Variants in GSE1 observed in about 807,000 individuals in gnomAD.
The protein encoded by GSE1 is genetic suppressor element 1.
GSE1 carries 32 observed loss-of-function variants against 112.6 expected under a neutral mutation model. That is an observed-to-expected ratio of 0.28 (90% CI 0.21 to 0.38). The LOEUF is 0.38. Among genes scored for constraint, GSE1 ranks in the 10% least tolerant of loss-of-function variants. The pLI is 1.00. For missense variants in GSE1, 2,348 were observed against 1,699.2 expected (o/e 1.38, Z -6.71); for synonymous variants, 1,115 against 735.6 (o/e 1.52, Z -8.35).
intron 1 of GSE1, among the ~76,000 whole-genome samples, chr16:85,570,446 C>T (rs1477622496): frequency 6.6e-6 from 1 of 152,220 alleles, no homozygotes; most frequent in Non-Finnish European, 1.5e-5. Flanking sequence ...AAAGTCGTGG[C>T]ACTTGATCCC....
chr16:85,254,564 T>C (rs1906863255), intron 1 of GSE1, among the ~76,000 whole-genome samples: 1 of 152,182 alleles, frequency 6.6e-6, no homozygotes, highest in African/African-American at 2.4e-5. Flanking sequence ...TCTTAGCTTC[T>C]GGGGGGCCCT....
chr16:85,341,423 C>A (rs1276916823), intron 1 of GSE1, among the ~76,000 whole-genome samples: 1 of 152,144 alleles, frequency 6.6e-6, no homozygotes, highest in Non-Finnish European at 1.5e-5. Flanking sequence ...TTTGGGAGGC[C>A]AAGTCGGGTG....
At chr16:85,258,117 G>A (rs1214574654) in intron 1 of GSE1, among the ~76,000 whole-genome samples, 1 of 152,220 alleles carries the variant, frequency 6.6e-6, no homozygotes, top group Non-Finnish European at 1.5e-5. Context: ...CTCAATTGAG[G>A]GGCAGGGTAG....
At chr16:85,330,794 T>G (rs1025665325) in intron 1 of GSE1, among the ~76,000 whole-genome samples, 4 of 152,250 alleles carry the variant, frequency 2.6e-5, no homozygotes, top group African/African-American at 9.6e-5. Flanking sequence ...GCATGAGCCC[T>G]TGGGGCCCAG....
intron 2 of GSE1, among the ~76,000 whole-genome samples, chr16:85,503,632 G>A (rs2051442425): frequency 2.0e-5 from 3 of 152,192 alleles, no homozygotes; most frequent in Admixed American, 2.0e-4. Flanking sequence ...GTACCAAGCA[G>A]TATTTTTAAC....
intron 1 of GSE1, among the ~76,000 whole-genome samples, chr16:85,357,223 C>T (rs539849789): frequency 6.6e-6 from 1 of 152,310 alleles, no homozygotes; most frequent in Admixed American, 6.5e-5. Context: ...GGTGGGACCC[C>T]AGCAGCAGGG....
At chr16:85,268,838 G>A (rs962884550) in intron 1 of GSE1, among the ~76,000 whole-genome samples, 1 of 152,132 alleles carries the variant, frequency 6.6e-6, no homozygotes, top group African/African-American at 2.4e-5. Context: ...TGGGACCCCC[G>A]TGCTCTCTCC....
exon 1 of GSE1, chr16:85,170,083 C>G: frequency 1.0e-6 from 1 of 985,044 alleles, no homozygotes; most frequent in South Asian, 4.7e-5. Flanking sequence ...CGAGCCCGAC[C>G]CGCCCGCGCG....
intron 14 of GSE1, among the ~76,000 whole-genome samples, 189 bp downstream of exon 14, chr16:85,668,613 G>A (rs1232504825): frequency 6.6e-6 from 1 of 152,170 alleles, no homozygotes; most frequent in African/African-American, 2.4e-5. Flanking sequence ...TGGAACCTGA[G>A]GCCAGTCTTG....
At chr16:85,342,228 G>A (rs977714090) in intron 1 of GSE1, among the ~76,000 whole-genome samples, 2 of 152,208 alleles carry the variant, frequency 1.3e-5, no homozygotes, top group African/African-American at 4.8e-5. Flanking sequence ...ACTGTAGCCA[G>A]TGCATCCGGA....
chr16:85,454,234 T>C (rs1171918337), intron 2 of GSE1, among the ~76,000 whole-genome samples: 1 of 152,192 alleles, frequency 6.6e-6, no homozygotes, highest in Non-Finnish European at 1.5e-5. Flanking sequence ...TCCTGAGATG[T>C]GGTAGCATTG....
chr16:85,196,664 C>T (rs879661027), intron 1 of GSE1, among the ~76,000 whole-genome samples: 1 of 152,040 alleles, frequency 6.6e-6, no homozygotes, highest in Admixed American at 6.5e-5. Context: ...GCCAGACCTG[C>T]CCTGACCTTG....
chr16:85,663,200 C>T (rs1398778997), intron 10 of GSE1, 107 bp downstream of exon 10: 6 of 1,258,428 alleles, frequency 4.8e-6, no homozygotes, highest in African/African-American at 4.4e-5. Context: ...GAAGTCCTGG[C>T]GGGTTCGCCC....
At chr16:85,621,388 G>A (rs764518418) in intron 1 of GSE1, among the ~76,000 whole-genome samples, 1 of 152,270 alleles carries the variant, frequency 6.6e-6, no homozygotes, top group Non-Finnish European at 1.5e-5. Context: ...GGGTGTGCAG[G>A]GAGTGGAGTG....
At chr16:85,384,001 T>G (rs1567725499) in intron 2 of GSE1, among the ~76,000 whole-genome samples, 1 of 152,212 alleles carries the variant, frequency 6.6e-6, no homozygotes, top group Non-Finnish European at 1.5e-5. Context: ...CCTCTTGGGC[T>G]TTCCCTCCAG....
intron 2 of GSE1, among the ~76,000 whole-genome samples, chr16:85,497,777 C>T (rs773799194): frequency 2.1e-4 from 32 of 152,134 alleles, no homozygotes; most frequent in Non-Finnish European, 4.6e-4. Flanking sequence ...CTGGGGAACC[C>T]GGGGTGGGGC....
chr16:85,262,303 A>G (rs560928287), intron 1 of GSE1, among the ~76,000 whole-genome samples: 3 of 152,182 alleles, frequency 2.0e-5, no homozygotes, highest in Non-Finnish European at 2.9e-5. Context: ...TGCTTTGAAC[A>G]TATTTCCTTT....
At chr16:85,343,001 A>C (rs527593341) in intron 1 of GSE1, among the ~76,000 whole-genome samples, 1 of 152,026 alleles carries the variant, frequency 6.6e-6, no homozygotes, top group Admixed American at 6.5e-5. Context: ...GGGAGTGGGG[A>C]GCAGAGGCTG....
intron 1 of GSE1, among the ~76,000 whole-genome samples, chr16:85,282,272 C>T (rs1302532597): frequency 1.3e-5 from 2 of 152,158 alleles, no homozygotes; most frequent in African/African-American, 4.8e-5. Context: ...GTGATCCAGC[C>T]GCCTCGGTCT....
Sources: allele counts gnomAD v4.1 joint callset (sites outside exome capture counted in the v4.1 genomes callset), GRCh38; gene constraint gnomAD v4.1.1; transcripts MANE v1.5; gene names NCBI Gene and HGNC (gene_info 2026-07-23, HGNC 2026-07-21).